The following HMCN1 variants were observed in gnomAD, a reference collection of about 807,000 sequenced individuals.
The protein encoded by HMCN1 is hemicentin-1.
In HMCN1, 321 loss-of-function variants were observed where a neutral mutation model predicts 625.9. The observed-to-expected ratio is 0.51, with a 90% CI of 0.47 to 0.56. HMCN1 has a LOEUF of 0.56. HMCN1 is among the 20% of genes least tolerant of loss of function. The pLI, the probability that HMCN1 is intolerant of heterozygous loss-of-function variation, is 0.00. For synonymous variants in HMCN1, 2,425 were observed against 2,417.6 expected, an observed-to-expected ratio of 1.00 and a Z score of -0.09; for missense variants, 6,588 against 6,887.3, an observed-to-expected ratio of 0.96 and a Z score of 1.54.
intron 11 of HMCN1, among the ~76,000 whole-genome samples, chr1:185,954,682 AT>A (rs1012581927): frequency 1.3e-5 from 2 of 152,146 alleles, no homozygotes; most frequent in Non-Finnish European, 2.9e-5. Context: ...TGGGTTGCTG[AT>A]TTGTTAATTG....
intron 1 of HMCN1, among the ~76,000 whole-genome samples, chr1:185,778,661 C>A (rs1251826392): frequency 3.9e-5 from 6 of 152,096 alleles, no homozygotes; most frequent in Non-Finnish European, 8.8e-5. Flanking sequence ...CATGTCCCTA[C>A]AAAGGACATG....
chr1:186,022,211 T>C (rs763695922), intron 35 of HMCN1, among the ~76,000 whole-genome samples: 3 of 151,340 alleles, frequency 2.0e-5, no homozygotes, highest in South Asian at 4.2e-4. Context: ...TGCATTAGAG[T>C]TTTTCACTGA....
intron 35 of HMCN1, among the ~76,000 whole-genome samples, chr1:186,021,474 A>C (rs1231617233): frequency 6.6e-6 from 1 of 152,130 alleles, no homozygotes; most frequent in African/African-American, 2.4e-5. Context: ...AACCATGGGC[A>C]TGGATGAGTT....
chr1:185,780,147 T>C (rs1571339922), intron 1 of HMCN1, among the ~76,000 whole-genome samples: 2 of 152,286 alleles, frequency 1.3e-5, no homozygotes, highest in Admixed American at 1.3e-4. Flanking sequence ...GGCTCTCTGT[T>C]TGTCTGTTAT....
At position 186,015,243 on chromosome 1, in the gene HMCN1, G is replaced by A. The variant is rs144433637; in HGVS notation, c.4715G>A (p.Arg1572Gln). 106 of 1,613,610 alleles carry A rather than the reference G, an allele frequency of 6.6e-5. No individual in the cohort carries two copies. The highest frequency in any genetic ancestry group is 8.2e-5 in the Non-Finnish European group (97 of 1,179,706). The change falls in exon 31 of 107, where the codon CGG (arginine) becomes CAG (glutamine). Residue 1572 changes from arginine (R) to glutamine (Q), a missense_variant. Arg to Gln is a conservative substitution (Grantham distance 43, BLOSUM62 1). Transcript: ENST00000271588. ...CTTATTAAACTGGAATGTGAAACAC[G>A]GGGACTTCCAATGCCTGCCATTACT... ...NSLIKLECET[R>Q]GLPMPAITWY...
rs376321567 is a variant in HMCN1 at position 186,063,034 on chromosome 1, ATGTG to A, written c.7513+463_7513+466del. ...TTATGGATAGGTAGTATTCCATGGA[ATGTG>A]TGTGTGTGTGTGTGTGTGTGTGTGT... is the stretch of plus-strand genomic sequence containing the variant. On this transcript the variant is annotated intron_variant, in intron 48 of 106. Coordinates refer to ENST00000271588, the MANE Select transcript of HMCN1 (RefSeq NM_031935.3). 3.5e-3 allele frequency among the ~76,000 whole-genome samples: 331 copies of A among 95,112 alleles called. 1 individual carries two copies. Among genetic ancestry groups the A allele is most frequent in the African/African-American group, 5.9e-3 (133 of 22,406 alleles). 62.4% of individuals were successfully genotyped at this position (95,112 alleles called of 152,430 possible).
Position 186,029,697 on chromosome 1 carries a change from TC to T in HMCN1, c.5749+6545del, listed in dbSNP as rs952206094. On this transcript the variant is annotated intron_variant, in intron 36 of 106. Coordinates refer to ENST00000271588, the MANE Select transcript of HMCN1 (RefSeq NM_031935.3). The stretch of plus-strand genomic sequence containing the variant: ...AACCAGCTTTTGGTTTTGTTAATTT[TC>T]TCTACTGTTTTTCTCTTCTCTATTT... 1.6e-4 allele frequency among the ~76,000 whole-genome samples: 24 copies of T among 152,042 alleles called. 1 individual carries two copies. Among genetic ancestry groups the T allele is most frequent in the Admixed American group, 9.2e-4 (14 of 15,280 alleles).
In HMCN1 at chr1:185,977,809, A is replaced by G; in HGVS notation, c.2394A>G (p.Glu798=). ...DVGSPPVFIQ[E]PADVSMEIGS... Reference sequence around the variant, plus strand: ...CAGCACCTCCAGTTTTCATACAAGAACCTGCTGATGTGTCTATGGAAATTG... The same window carrying G: ...CAGCACCTCCAGTTTTCATACAAGAGCCTGCTGATGTGTCTATGGAAATTG... The change falls in exon 16 of 107, where the codon GAA becomes GAG. Residue 798 remains glutamate, a synonymous_variant. Coordinates refer to ENST00000271588, the MANE Select transcript of HMCN1 (RefSeq NM_031935.3). The G allele has an allele frequency of 6.2e-7, 1 of 1,612,896 alleles. No homozygotes were observed. The highest frequency in any genetic ancestry group is 8.5e-7 in the Non-Finnish European group (1 of 1,179,112).
chr1:185,990,344 C>A lies in HMCN1; in HGVS notation c.3278C>A (p.Ala1093Glu), dbSNP rs373402377. The change falls in exon 22 of 107, where the codon GCA becomes GAA. Residue 1093 changes from alanine to glutamate, a missense_variant. By Grantham distance (107) the Ala-to-Glu change is moderately radical. Around this residue, in one of 3 missense-constraint regions of HMCN1, gnomAD observed 4,628 missense variants for 4,853.1 expected, o/e 0.95. Transcript: ENST00000271588. The stretch of plus-strand genomic sequence containing the variant: ...AAGCCTGTTGAGATCTCCGTCCTTG[C>A]AGGGGAAGAGGTAACACTTCCATGT... ...QDKPVEISVLAGEEVTLPCEV... is the reference protein window; with the variant it reads ...QDKPVEISVLEGEEVTLPCEV... 2.9e-5 allele frequency: 47 copies of A among 1,613,430 alleles called. No individual in the cohort carries two copies. The highest frequency in any genetic ancestry group is 3.7e-5 in the Non-Finnish European group (44 of 1,179,474).
intron 104 of HMCN1, among the ~76,000 whole-genome samples, chr1:186,180,401 G>T (rs1370588997): frequency 1.3e-5 from 2 of 152,020 alleles, no homozygotes; most frequent in African/African-American, 2.4e-5. Flanking sequence ...ACTTTCTTTT[G>T]TTCTACCTTT....
chr1:185,997,944 C>G (rs781414988), intron 25 of HMCN1, among the ~76,000 whole-genome samples: 2 of 151,976 alleles, frequency 1.3e-5, no homozygotes, highest in East Asian at 1.9e-4. Flanking sequence ...TTCTAAAAAC[C>G]TCTTTTCCTA....
At chr1:185,826,267 G>C (rs1446379215) in intron 1 of HMCN1, among the ~76,000 whole-genome samples, 2 of 152,116 alleles carry the variant, frequency 1.3e-5, no homozygotes, top group African/African-American at 4.8e-5. Context: ...ATTTGAATGT[G>C]GTAGTTTAAA....
rs764649227 is a variant in HMCN1, at chr1:185,995,040, C to T, written c.3731C>T (p.Thr1244Ile). ...SDAGIYTCVA[T>I]NIAGTDETEI... ...GCTGGCATATATACATGTGTTGCTA[C>T]TAACATAGCAGGCACTGATGAAACA... Residue 1244 changes from threonine to isoleucine, a missense_variant, in exon 24 of 107, where the codon ACT (threonine) becomes ATT (isoleucine). By Grantham distance (89) the Thr-to-Ile change is moderately conservative (BLOSUM62 -1). Coordinates refer to ENST00000271588, the MANE Select transcript of HMCN1 (RefSeq NM_031935.3). 118 of 1,613,450 alleles carry T rather than the reference C, an allele frequency of 7.3e-5. No homozygotes were observed. Among genetic ancestry groups the T allele is most frequent in the Non-Finnish European group, 9.6e-5 (113 of 1,179,614 alleles).
In HMCN1 at chr1:185,844,989, C is replaced by T. The variant is rs370378918; in HGVS notation, c.269-1037C>T. Among the ~76,000 whole-genome samples the T allele has an allele frequency of 3.9e-5, 6 of 152,312 alleles. No homozygotes were observed. In the South Asian group the frequency reaches 8.3e-4, roughly 21 times the overall value. The stretch of plus-strand genomic sequence containing the variant: ...CTGACTTATGATCTAAGTCTTGGCT[C>T]TCCAGGGAAGGCAGTGGCCCCACCT... On this transcript the variant is annotated intron_variant, in intron 1 of 106. Transcript: ENST00000271588.
rs1428406018 is a variant in HMCN1, at chr1:185,846,072, T to C, written c.315T>C (p.Tyr105=). The C allele has an allele frequency of 1.9e-6, 3 of 1,612,314 alleles. No individual in the cohort carries two copies. Among genetic ancestry groups the C allele is most frequent in the Non-Finnish European group, 2.5e-6 (3 of 1,178,614 alleles). The change falls in exon 2 of 107, where the codon TAT becomes TAC. Residue 105 remains tyrosine (Y), a synonymous_variant. Transcript: ENST00000271588. ...CCACAGATCCCAAGAAATTTCAATA[T>C]GAACTCAGAGAACTGTATGTTCAGG... ...TITTDPKKFQ[Y]ELRELYVQGG...
intron 6 of HMCN1, among the ~76,000 whole-genome samples, chr1:185,919,868 A>G (rs1400556485): frequency 6.6e-6 from 1 of 152,228 alleles, no homozygotes; most frequent in African/African-American, 2.4e-5. Context: ...GAGAATTTGT[A>G]TAAAAAATTA....
chr1:185,860,569 C>A (rs1482561772), intron 2 of HMCN1, among the ~76,000 whole-genome samples: 1 of 152,094 alleles, frequency 6.6e-6, no homozygotes, highest in Non-Finnish European at 1.5e-5. Flanking sequence ...CTCAGCCCCC[C>A]AAGTAGCTGG....
intron 16 of HMCN1, among the ~76,000 whole-genome samples, chr1:185,978,884 T>C (rs1651415539): frequency 6.6e-6 from 1 of 152,134 alleles, no homozygotes. Flanking sequence ...TTTTACCATG[T>C]TGGCCAGGCT....
At chr1:186,047,780 T>C (rs142284868) in intron 41 of HMCN1, among the ~76,000 whole-genome samples, 2 of 152,236 alleles carry the variant, frequency 1.3e-5, no homozygotes, top group African/African-American at 4.8e-5. Flanking sequence ...TTGGATTTTA[T>C]GTCCTCTTTC....
Sources: allele counts gnomAD v4.1 joint callset (sites outside exome capture counted in the v4.1 genomes callset), GRCh38; gene constraint gnomAD v4.1.1; regional missense constraint gnomAD v4.1.1; transcripts MANE v1.5; gene names NCBI Gene and HGNC (gene_info 2026-07-23, HGNC 2026-07-21).